WDR89: variants seen among roughly 807,000 people sequenced by gnomAD.
WDR89 encodes WD repeat-containing protein 89.
A neutral mutation model predicts 29.1 loss-of-function variants in WDR89; 17 were observed. That is an observed-to-expected ratio of 0.58 (90% CI 0.40 to 0.88). The LOEUF (loss-of-function observed/expected upper bound fraction) is 0.88. Among genes scored for constraint, WDR89 ranks in the 40% least tolerant of loss-of-function variants. The probability of loss-of-function intolerance (pLI) is 0.00; values close to 1 mark genes in which losing one functional copy is unlikely to be tolerated. For missense variants in WDR89, 396 were observed against 456.3 expected (o/e 0.87, Z 1.20); for synonymous variants, 138 against 157.8 (o/e 0.87, Z 0.94).
chr14:63,600,716 G>GAA, intron 2 of WDR89, among the ~76,000 whole-genome samples: 1 of 13,590 alleles, frequency 7.4e-5, no homozygotes, highest in Non-Finnish European at 1.6e-4. Context: ...AGATATGTAG[G>GAA]CAAAAAAAAA....
At chr14:63,605,482 C>T (rs1428563344) in intron 2 of WDR89, among the ~76,000 whole-genome samples, 3 of 149,712 alleles carry the variant, frequency 2.0e-5, no homozygotes, top group Non-Finnish European at 4.4e-5. Flanking sequence ...TTTTTTGAGA[C>T]GGAGTTTCGC....
chr14:63,621,957 A>G (rs1397950098), intron 2 of WDR89: 1 of 152,240 alleles, frequency 6.6e-6, no homozygotes, highest in Non-Finnish European at 1.5e-5. Context: ...ACTGTTATTC[A>G]GGCAGAAACA....
intron 2 of WDR89, among the ~76,000 whole-genome samples, chr14:63,615,829 C>A (rs767869610): frequency 3.3e-5 from 5 of 151,268 alleles, no homozygotes; most frequent in Non-Finnish European, 7.4e-5. Flanking sequence ...GCGGCTGAGG[C>A]AGGAGAATCA....
At chr14:63,600,000 A>T (rs1406789908) in intron 2 of WDR89, 27 bp from the exon 3 acceptor site, 1 of 1,269,016 alleles carries the variant, frequency 7.9e-7, no homozygotes, top group Non-Finnish European at 1.0e-6. Context: ...TAATAAAAAT[A>T]AAAATTAATG....
chr14:63,634,793 C>G (rs1165321676), intron 1 of WDR89, among the ~76,000 whole-genome samples: 2 of 151,806 alleles, frequency 1.3e-5, no homozygotes, highest in African/African-American at 4.8e-5. Context: ...TCGCTTGAAC[C>G]CAGGAGGCGG....
chr14:63,599,641 A>ATCCAGCCAGATGCTGGATG lies in WDR89; in HGVS notation c.301_302insCATCCAGCATCTGGCTGGA (p.Val101AlafsTer28). 1 of 1,614,142 alleles carries ATCCAGCCAGATGCTGGATG rather than the reference A, an allele frequency of 6.2e-7. No individual in the cohort carries two copies. The highest frequency in any genetic ancestry group is 8.5e-7 in the Non-Finnish European group (1 of 1,180,010). On this transcript the variant is annotated frameshift_variant, in exon 3 of 3. Transcript: ENST00000620954. LOFTEE classifies it high-confidence loss of function. ...GAGCTGAACAGGTTTTTCTCTGGCT[A>ATCCAGCCAGATGCTGGATG]CTCGAGCATCCCAGCATTTCACAGT...
intron 2 of WDR89, among the ~76,000 whole-genome samples, chr14:63,608,049 T>A (rs1000317346): frequency 2.0e-5 from 3 of 149,766 alleles, no homozygotes; most frequent in Non-Finnish European, 4.4e-5. Flanking sequence ...CTACTAAGAA[T>A]ACAAAAATAA....
chr14:63,609,260 T>C (rs1881799033), intron 2 of WDR89, among the ~76,000 whole-genome samples: 1 of 152,230 alleles, frequency 6.6e-6, no homozygotes, highest in Admixed American at 6.5e-5. Flanking sequence ...TCATTTCATT[T>C]GATTTAGTCA....
At chr14:63,633,852 T>C (rs778363942) in intron 1 of WDR89, among the ~76,000 whole-genome samples, 5 of 152,200 alleles carry the variant, frequency 3.3e-5, no homozygotes, top group African/African-American at 1.2e-4. Flanking sequence ...ATGTGCTTTG[T>C]AGATCAGATG....
intron 2 of WDR89, among the ~76,000 whole-genome samples, chr14:63,604,070 C>G (rs1467211673): frequency 1.3e-5 from 2 of 152,210 alleles, no homozygotes; most frequent in Admixed American, 6.5e-5. Flanking sequence ...CACTGCCAAT[C>G]AACGTGAAAA....
intron 2 of WDR89, among the ~76,000 whole-genome samples, chr14:63,616,760 A>C (rs1442641771): frequency 6.6e-6 from 1 of 152,234 alleles, no homozygotes; most frequent in Non-Finnish European, 1.5e-5. Flanking sequence ...AGTGAGAAAG[A>C]AAGCCACTGT....
At chr14:63,609,803 A>G (rs1036357268) in intron 2 of WDR89, among the ~76,000 whole-genome samples, 11 of 151,944 alleles carry the variant, frequency 7.2e-5, no homozygotes, top group Admixed American at 1.3e-4. Flanking sequence ...AAAATAAAAT[A>G]AAATAAAATA....
Position 63,599,247 on chromosome 14 carries a change from A to G in WDR89, c.696T>C (p.Ile232=). ...IGWSGKGYKQ[I]YCMTHDEGFY... ...ATCCTTCATCATGTGTCATGCAGTA[A>G]ATCTGTTTATAACCTTTCCCAGACC... The change falls in exon 3 of 3, where the codon ATT becomes ATC. Residue 232 remains isoleucine, a synonymous_variant. Transcript: ENST00000620954. 1.2e-6 allele frequency: 2 copies of G among 1,609,126 alleles called. No individual in the cohort carries two copies. Among genetic ancestry groups the G allele is most frequent in the African/African-American group, 1.3e-5 (1 of 74,940 alleles).
At chr14:63,631,790 A>T (rs1475660530) in intron 1 of WDR89, among the ~76,000 whole-genome samples, 1 of 152,136 alleles carries the variant, frequency 6.6e-6, no homozygotes, top group Non-Finnish European at 1.5e-5. Context: ...TGATTCTTGC[A>T]TTGGATGACC....
Position 63,598,705 on chromosome 14 carries a change from G to T in WDR89, c.*74C>A. ...TGTTTTTACATAAAGCTTTAAACAT[G>T]TCTACCATGGGTAGTAAACAAGAAG... On this transcript the variant is annotated 3_prime_UTR_variant, in exon 3 of 3. Transcript: ENST00000620954. The T allele has an allele frequency of 7.5e-7, 1 of 1,329,092 alleles. No homozygotes were observed. Among genetic ancestry groups the T allele is most frequent in the Non-Finnish European group, 1.0e-6 (1 of 999,310 alleles). 82.3% of individuals were successfully genotyped at this position (1,329,092 alleles called of 1,614,324 possible).
At chr14:63,603,284 A>ACACC (rs1555373790) in intron 2 of WDR89, among the ~76,000 whole-genome samples, 6 of 151,468 alleles carry the variant, frequency 4.0e-5, no homozygotes, top group African/African-American at 1.5e-4. Flanking sequence ...ACACACACAC[A>ACACC]CCCCACTGCT....
At chr14:63,602,687 G>A (rs1353996896) in intron 2 of WDR89, among the ~76,000 whole-genome samples, 4 of 150,888 alleles carry the variant, frequency 2.7e-5, no homozygotes, top group African/African-American at 9.8e-5. Flanking sequence ...CAGGAGAATC[G>A]CTTGAACCCA....
chr14:63,611,359 A>AAG (rs1555374334), intron 2 of WDR89, among the ~76,000 whole-genome samples: 167 of 139,766 alleles, frequency 1.2e-3, no homozygotes, highest in African/African-American at 4.7e-3. Context: ...AAAAAAAAAA[A>AAG]GCTTTAAGAT....
intron 2 of WDR89, among the ~76,000 whole-genome samples, chr14:63,604,407 T>C (rs925640596): frequency 2.0e-5 from 3 of 152,014 alleles, no homozygotes; most frequent in African/African-American, 7.2e-5. Flanking sequence ...GGCAAGACCC[T>C]GTCTCAAAAA....
Sources: gnomAD v4.1 joint callset for allele counts (sites outside exome capture counted in the v4.1 genomes callset) on GRCh38, gnomAD v4.1.1 for gene constraint, MANE v1.5 for transcripts, NCBI Gene and HGNC (gene_info 2026-07-23, HGNC 2026-07-21) for gene names.